Variants in MFSD6 observed in about 807,000 individuals in gnomAD.
MFSD6 encodes major facilitator superfamily domain containing 6, also known as major facilitator superfamily domain-containing protein 6.
A neutral mutation model predicts 56.3 loss-of-function variants in MFSD6; 26 were observed. That is an observed-to-expected ratio of 0.46 (90% CI 0.34 to 0.64). The LOEUF is 0.64. Ranked by LOEUF, MFSD6 falls within the 30% of genes least tolerant of loss-of-function variation. MFSD6 has a pLI of 0.01. For synonymous variants in MFSD6, 331 were observed against 366.9 expected (o/e 0.90, Z 1.12); for missense variants, 750 against 986.2 (o/e 0.76, Z 3.21).
rs1355003835 is a variant in MFSD6 at position 190,431,265 on chromosome 2, C to T, written c.-53-4712C>T. ...GGCTCCTCACCTCCCAGAGGATGGG[C>T]GGCCAGGCAGAGACGCTCCTCACTT... On this transcript the variant is annotated intron_variant, in intron 2 of 7. Transcript: ENST00000392328. This position sits in a 1 kb window ranked among gnomAD's most constrained non-coding sequence, Gnocchi z 4.4. Among the ~76,000 whole-genome samples the T allele has an allele frequency of 1.3e-5, 2 of 151,922 alleles. No homozygotes were observed. The highest frequency in any genetic ancestry group is 2.1e-4 in the South Asian group (1 of 4,812).
chr2:190,430,429 A>G (rs947326703), intron 2 of MFSD6, among the ~76,000 whole-genome samples: 15 of 151,424 alleles, frequency 9.9e-5, no homozygotes, highest in Non-Finnish European at 1.5e-4. Context: ...GCTGCCTTCA[A>G]GCATCTGTTT....
chr2:190,484,262 TTTG>T (rs1342335158), intron 4 of MFSD6, among the ~76,000 whole-genome samples: 1 of 152,212 alleles, frequency 6.6e-6, no homozygotes, highest in Non-Finnish European at 1.5e-5. Context: ...ATCTACCAAC[TTTG>T]TTATCTCATA....
rs769746201 is a variant in MFSD6, at chr2:190,436,700, C to A, written c.671C>A (p.Pro224His). 3 of 1,614,164 alleles carry A rather than the reference C, an allele frequency of 1.9e-6. No individual in the cohort carries two copies. Among genetic ancestry groups the A allele is most frequent in the Non-Finnish European group, 2.5e-6 (3 of 1,180,036 alleles). Residue 224 changes from proline to histidine, a missense_variant, in exon 3 of 8, where the codon CCC (proline) becomes CAC (histidine). Pro to His is a moderately conservative substitution (Grantham distance 77). Coordinates refer to ENST00000392328, the MANE Select transcript of MFSD6 (RefSeq NM_017694.4). The surrounding 1 kb of genome is among the most constrained non-coding windows in gnomAD (Gnocchi z 5.3). ...ACAGCTCCAAACATGAACAGTGAACCCACTCTGCAGCCCCAGACAGGTGAA... is the reference window on the plus strand; with the variant it reads ...ACAGCTCCAAACATGAACAGTGAACACACTCTGCAGCCCCAGACAGGTGAA... ...LPTAPNMNSE[P>H]TLQPQTGEIT...
In MFSD6 at chr2:190,457,297, G is replaced by A. The variant is rs770792208; in HGVS notation, c.1533-12461G>A. Among the ~76,000 whole-genome samples the A allele has an allele frequency of 3.9e-5, 6 of 152,236 alleles. No homozygotes were observed. Among genetic ancestry groups the A allele is most frequent in the Admixed American group, 6.5e-5 (1 of 15,286 alleles). On this transcript the variant is annotated intron_variant, in intron 3 of 7. Transcript: ENST00000392328. The surrounding 1 kb of genome is among the most constrained non-coding windows in gnomAD (Gnocchi z 5.1). ...CCTTCCTTGTCTCTGTGAAAAGAGC[G>A]AGCTGGATGCTATGGCTCCTTTCAG...
At chr2:190,442,164 C>G (rs150821090) in intron 3 of MFSD6, among the ~76,000 whole-genome samples, 1,579 of 152,280 alleles carry the variant, frequency 0.01, 33 homozygotes, top group African/African-American at 0.035. Context: ...TAAAAGATGA[C>G]TTAATTCTCA....
At chr2:190,460,641 T>C (rs1687278353) in intron 3 of MFSD6, among the ~76,000 whole-genome samples, 1 of 152,190 alleles carries the variant, frequency 6.6e-6, no homozygotes, top group South Asian at 2.1e-4. Flanking sequence ...GTAGGTGCAC[T>C]GTTACAACCA....
Position 190,500,337 on chromosome 2 carries a change from A to G in MFSD6, c.*119A>G, listed in dbSNP as rs1211578766. 1 of 994,046 alleles carries G rather than the reference A, an allele frequency of 1.0e-6. No individual in the cohort carries two copies. The highest frequency in any genetic ancestry group is 2.6e-5 in the East Asian group (1 of 38,570). The allele number at this position is 994,046 out of a possible 1,614,324, so 61.6% of individuals were successfully genotyped here. A position where few individuals can be genotyped will look rare whatever the true frequency, so the allele number is the denominator to read the frequency against. ...GGAGCACAGCACTGCATATGCTTCTAAATATCTAAACTCATTAACATGGAA... is the reference window on the plus strand; with the variant it reads ...GGAGCACAGCACTGCATATGCTTCTGAATATCTAAACTCATTAACATGGAA... On this transcript the variant is annotated 3_prime_UTR_variant, in exon 8 of 8. Transcript: ENST00000392328. This position sits in a 1 kb window ranked among gnomAD's most constrained non-coding sequence, Gnocchi z 5.3.
rs981304445 is a variant in MFSD6 at position 190,471,511 on chromosome 2, A to T, written c.1630+1656A>T. On this transcript the variant is annotated intron_variant, in intron 4 of 7. Transcript: ENST00000392328. This position sits in a 1 kb window ranked among gnomAD's most constrained non-coding sequence, Gnocchi z 4.7. ...CTCATTGCTAGCACAGCAGTCTGAG[A>T]TCAAACTGCAAGGCGGCAGTGAGGC... Among the ~76,000 whole-genome samples the T allele has an allele frequency of 1.3e-5, 2 of 152,154 alleles. No individual in the cohort carries two copies. Among genetic ancestry groups the T allele is most frequent in the African/African-American group, 4.8e-5 (2 of 41,428 alleles).
At position 190,455,934 on chromosome 2, in the gene MFSD6, C is replaced by CTTTTTTTTTTTT. The variant is rs34054506; in HGVS notation, c.1533-13811_1533-13800dup. Among the ~76,000 whole-genome samples, 45 of 65,390 alleles carry CTTTTTTTTTTTT rather than the reference C, an allele frequency of 6.9e-4. 3 individuals carry two copies. The highest frequency in any genetic ancestry group is 7.4e-4 in the Non-Finnish European group (29 of 39,358). 42.9% of individuals were successfully genotyped at this position (65,390 alleles called of 152,430 possible). A position where few individuals can be genotyped will look rare whatever the true frequency, so the allele number is the denominator to read the frequency against. ...GTCTACTGTAATTGTATTTACTCTGCTTTTTTTTTTTTTTTTTTTTTTTTG... is the reference window on the plus strand; with the variant it reads ...GTCTACTGTAATTGTATTTACTCTGCTTTTTTTTTTTTTTTTTTTTTTTTTTTTTTTTTTTTG... On this transcript the variant is annotated intron_variant, in intron 3 of 7. Coordinates refer to ENST00000392328, the MANE Select transcript of MFSD6 (RefSeq NM_017694.4).
At chr2:190,464,342 T>G (rs1022026328) in intron 3 of MFSD6, among the ~76,000 whole-genome samples, 1 of 152,226 alleles carries the variant, frequency 6.6e-6, no homozygotes, top group African/African-American at 2.4e-5. Flanking sequence ...CATCAGTCAT[T>G]AGGTGAATAG....
At chr2:190,481,654 T>C (rs911816131) in intron 4 of MFSD6, among the ~76,000 whole-genome samples, 2 of 152,238 alleles carry the variant, frequency 1.3e-5, no homozygotes, top group African/African-American at 2.4e-5. Context: ...TATTGTCATA[T>C]TTTCAAAGCC....
In MFSD6 at chr2:190,410,195, ATT is replaced by A. The variant is rs758224191; in HGVS notation, c.-176+1698_-176+1699del. ...TCTGGACTATTAACAGTATTAAGGC[ATT>A]TTTTTGGGTACTTATTATGTTCAAG... On this transcript the variant is annotated intron_variant, in intron 1 of 7. Coordinates refer to ENST00000392328, the MANE Select transcript of MFSD6 (RefSeq NM_017694.4). The surrounding 1 kb of genome is among the most constrained non-coding windows in gnomAD (Gnocchi z 4.4). Among the ~76,000 whole-genome samples, 5 of 152,122 alleles carry A rather than the reference ATT, an allele frequency of 3.3e-5. No individual in the cohort carries two copies. The highest frequency in any genetic ancestry group is 7.4e-5 in the Non-Finnish European group (5 of 68,012).
At chr2:190,452,074 TTTTG>T (rs1477265358) in intron 3 of MFSD6, among the ~76,000 whole-genome samples, 1 of 152,208 alleles carries the variant, frequency 6.6e-6, no homozygotes, top group Non-Finnish European at 1.5e-5. Flanking sequence ...GATGAAAGTT[TTTTG>T]TTTTTTTTTT....
intron 2 of MFSD6, among the ~76,000 whole-genome samples, chr2:190,430,817 C>G (rs1246524721): frequency 6.9e-6 from 1 of 145,254 alleles, no homozygotes; most frequent in Non-Finnish European, 1.5e-5. Context: ...ACCTCCCTCC[C>G]GGACGGGGCG....
Position 190,434,182 on chromosome 2 carries a change from CAA to C in MFSD6, c.-53-1783_-53-1782del, listed in dbSNP as rs67545783. Among the ~76,000 whole-genome samples the C allele has an allele frequency of 5.4e-5, 7 of 129,782 alleles. No individual in the cohort carries two copies. The highest frequency in any genetic ancestry group is 7.7e-5 in the Admixed American group (1 of 12,944). The allele number at this position is 129,782 out of a possible 152,430, so 85.1% of individuals were successfully genotyped here. Reference sequence around the variant, plus strand: ...GGTGACAGAGTAAGACCCTGTCTCTCAAAAAAAAAAAAAGAAAAAAAAGAAAA... The same window carrying C: ...GGTGACAGAGTAAGACCCTGTCTCTCAAAAAAAAAAAGAAAAAAAAGAAAA... On this transcript the variant is annotated intron_variant, in intron 2 of 7. Transcript: ENST00000392328. This position sits in a 1 kb window ranked among gnomAD's most constrained non-coding sequence, Gnocchi z 4.3.
rs1195354352 is a variant in MFSD6, at chr2:190,500,050, T to C, written c.2208T>C (p.Gly736=). Reference sequence around the variant, plus strand: ...AGAATAGGGAAAATTCTCCTGCTGGTAGAGCCCAGCCTGTCCCATGTGAGA... The same window carrying C: ...AGAATAGGGAAAATTCTCCTGCTGGCAGAGCCCAGCCTGTCCCATGTGAGA... ...TNENRENSPA[G]RAQPVPCETH... Residue 736 remains glycine, a synonymous_variant, in exon 8 of 8, where the codon GGT becomes GGC. Transcript: ENST00000392328. The surrounding 1 kb of genome is among the most constrained non-coding windows in gnomAD (Gnocchi z 5.3). The C allele has an allele frequency of 1.9e-6, 3 of 1,614,204 alleles. No individual in the cohort carries two copies. Among genetic ancestry groups the C allele is most frequent in the Non-Finnish European group, 2.5e-6 (3 of 1,180,020 alleles).
At position 190,436,774 on chromosome 2, in the gene MFSD6, C is replaced by T. The variant is rs756890487; in HGVS notation, c.745C>T (p.Pro249Ser). ...DLTLNSSTAT[P>S]VSPGSVTKET... ...GACTTTGAACTCAAGCACAGCAACC[C>T]CTGTCTCCCCAGGAAGCGTAACCAA... Residue 249 changes from proline to serine, a missense_variant, in exon 3 of 8, where the codon CCT becomes TCT. Physicochemically the swap from Pro to Ser is moderately conservative, Grantham distance 74. Transcript: ENST00000392328. This position sits in a 1 kb window ranked among gnomAD's most constrained non-coding sequence, Gnocchi z 5.3. 64 of 1,614,054 alleles carry T rather than the reference C, an allele frequency of 4.0e-5. No individual in the cohort carries two copies. The South Asian group carries it at 6.8e-4, about 17-fold the overall frequency.
intron 3 of MFSD6, among the ~76,000 whole-genome samples, chr2:190,466,948 A>G (rs1277121918): frequency 6.6e-6 from 1 of 152,156 alleles, no homozygotes; most frequent in Non-Finnish European, 1.5e-5. Context: ...AGCACAATCT[A>G]CCTCCTAAAC....
intron 3 of MFSD6, among the ~76,000 whole-genome samples, chr2:190,450,066 C>T (rs553680362): frequency 1.3e-5 from 2 of 151,768 alleles, no homozygotes; most frequent in South Asian, 4.2e-4. Flanking sequence ...TACCAAAAAG[C>T]CAAGTGATGT....
Sources: gnomAD v4.1 joint callset for allele counts (sites outside exome capture counted in the v4.1 genomes callset) on GRCh38, gnomAD v4.1.1 for gene constraint, Gnocchi (gnomAD v3.1) non-coding constraint, MANE v1.5 for transcripts, NCBI Gene and HGNC (gene_info 2026-07-23, HGNC 2026-07-21) for gene names.